ADD2: variants seen among roughly 807,000 people sequenced by gnomAD.
The protein encoded by ADD2 is adducin 2.
Under a neutral mutation model 83.0 loss-of-function variants are expected in ADD2, and 23 were observed. The observed-to-expected ratio is 0.28, with a 90% CI of 0.20 to 0.39. ADD2 has a LOEUF of 0.39. Ranked by LOEUF, ADD2 falls within the 10% of genes least tolerant of loss-of-function variation. ADD2 has a pLI of 1.00. For synonymous variants in ADD2, 375 were observed against 375.4 expected, an observed-to-expected ratio of 1.00 and a Z score of 0.01; for missense variants, 758 against 944.9, an observed-to-expected ratio of 0.80 and a Z score of 2.59.
Position 70,706,209 on chromosome 2 carries a change from G to A in ADD2, c.183+17C>T, listed in dbSNP as rs1325322991. 1 of 1,608,642 alleles carries A rather than the reference G, an allele frequency of 6.2e-7. No individual in the cohort carries two copies. Among genetic ancestry groups the A allele is most frequent in the Non-Finnish European group, 8.5e-7 (1 of 1,176,798 alleles). Reference sequence around the variant, plus strand: ...GCGCCCCCTGCGCCCTCTCCCGCCCGGGTCAGCCCCACTCACGGGACTCTG... The same window carrying A: ...GCGCCCCCTGCGCCCTCTCCCGCCCAGGTCAGCCCCACTCACGGGACTCTG... On this transcript the variant is annotated intron_variant, in intron 3 of 15. Coordinates refer to ENST00000264436, the MANE Select transcript of ADD2 (RefSeq NM_001617.4). The surrounding 1 kb of genome is among the most constrained non-coding windows in gnomAD (Gnocchi z 5.0).
intron 1 of ADD2, among the ~76,000 whole-genome samples, chr2:70,717,470 AACAG>A (rs1204907606): frequency 7.2e-5 from 11 of 152,138 alleles, no homozygotes; most frequent in Non-Finnish European, 5.9e-5. Flanking sequence ...TCCAGACAGG[AACAG>A]ACAGTCTGTG....
At chr2:70,699,671 T>C (rs1355970426) in intron 4 of ADD2, among the ~76,000 whole-genome samples, 1 of 152,116 alleles carries the variant, frequency 6.6e-6, no homozygotes, top group Non-Finnish European at 1.5e-5. Flanking sequence ...TCCCAGCTAC[T>C]TGGGAGGCTG....
At chr2:70,677,221 TGGGGAGA>T (rs1189551027) in intron 12 of ADD2, among the ~76,000 whole-genome samples, 14 of 150,826 alleles carry the variant, frequency 9.3e-5, no homozygotes, top group South Asian at 2.1e-4. Flanking sequence ...TCTGAATATC[TGGGGAGA>T]GGGGAGAGGG....
At chr2:70,689,206 T>C (rs1387488801) in intron 8 of ADD2, among the ~76,000 whole-genome samples, 1 of 152,256 alleles carries the variant, frequency 6.6e-6, no homozygotes, top group African/African-American at 2.4e-5. Context: ...CAGGGAAAGC[T>C]GAGTAAAAGT....
At chr2:70,707,629 C>G (rs1194928231) in intron 2 of ADD2, among the ~76,000 whole-genome samples, 1 of 152,266 alleles carries the variant, frequency 6.6e-6, no homozygotes, top group Non-Finnish European at 1.5e-5. Flanking sequence ...CCCTTCAACA[C>G]CCAGGGTGGC....
At chr2:70,736,939 G>C (rs1207942932) in intron 1 of ADD2, among the ~76,000 whole-genome samples, 2 of 152,168 alleles carry the variant, frequency 1.3e-5, no homozygotes, top group South Asian at 2.1e-4. Flanking sequence ...CTTCTCAAAA[G>C]AAGACATTTA....
At chr2:70,704,653 T>A (rs1468923583) in intron 3 of ADD2, among the ~76,000 whole-genome samples, 194 bp from the exon 4 acceptor site, 1 of 152,138 alleles carries the variant, frequency 6.6e-6, no homozygotes, top group African/African-American at 2.4e-5. Context: ...AACAAAGAAA[T>A]GCTGGGAATG....
At chr2:70,673,427 C>T in intron 14 of ADD2, 2 of 910,024 alleles carry the variant, frequency 2.2e-6, no homozygotes, top group Non-Finnish European at 3.5e-6. Context: ...TTATTTTTTG[C>T]TGACTCCCCT....
intron 15 of ADD2, among the ~76,000 whole-genome samples, chr2:70,663,945 C>A (rs1201659188): frequency 1.1e-4 from 16 of 152,070 alleles, no homozygotes; most frequent in Non-Finnish European, 1.9e-4. Context: ...GGGAACACCC[C>A]CTTGCAGGCT....
At position 70,705,586 on chromosome 2, in the gene ADD2, C is replaced by A. The variant is rs535947478; in HGVS notation, c.183+640G>T. Among the ~76,000 whole-genome samples the A allele has an allele frequency of 5.3e-5, 8 of 152,312 alleles. No individual in the cohort carries two copies. The East Asian group carries it at 7.7e-4, about 15-fold the overall frequency. Reference sequence around the variant, plus strand: ...GCCTTCAGTGGTCCACAGGGCCCACCCTTCGGCCTTCTCAAGGCACTACCT... The same window carrying A: ...GCCTTCAGTGGTCCACAGGGCCCACACTTCGGCCTTCTCAAGGCACTACCT... On this transcript the variant is annotated intron_variant, in intron 3 of 15. Transcript: ENST00000264436.
chr2:70,736,054 C>G (rs888884633), intron 1 of ADD2, among the ~76,000 whole-genome samples: 3 of 151,936 alleles, frequency 2.0e-5, no homozygotes, highest in Non-Finnish European at 4.4e-5. Flanking sequence ...TCATGCCATT[C>G]CCCCATCAGG....
intron 1 of ADD2, among the ~76,000 whole-genome samples, chr2:70,762,253 A>G (rs901015783): frequency 1.3e-5 from 2 of 151,930 alleles, no homozygotes; most frequent in East Asian, 3.8e-4. Context: ...CTTAAGAAGA[A>G]AGAGAATGAG....
At chr2:70,724,036 A>G (rs1332397702) in intron 1 of ADD2, among the ~76,000 whole-genome samples, 1 of 152,264 alleles carries the variant, frequency 6.6e-6, no homozygotes, top group Non-Finnish European at 1.5e-5. Flanking sequence ...AAAAGTGCCC[A>G]GTGATGAGGC....
intron 4 of ADD2, among the ~76,000 whole-genome samples, chr2:70,702,901 T>A (rs1574263678): frequency 6.6e-6 from 1 of 151,814 alleles, no homozygotes; most frequent in Non-Finnish European, 1.5e-5. Context: ...CCGGGGTGGG[T>A]GGATCACTTG....
At chr2:70,731,947 C>G (rs1260168919) in intron 1 of ADD2, among the ~76,000 whole-genome samples, 1 of 152,230 alleles carries the variant, frequency 6.6e-6, no homozygotes, top group Non-Finnish European at 1.5e-5. Context: ...CAGAAGACAA[C>G]AAATGGAAAT....
rs114607938 is a variant in ADD2 at position 70,759,510 on chromosome 2, G to A, written c.-154+8376C>T. Among the ~76,000 whole-genome samples the A allele has an allele frequency of 3.8e-3, 578 of 152,246 alleles. 7 individuals carry two copies. Among genetic ancestry groups the A allele is most frequent in the African/African-American group, 0.013 (535 of 41,548 alleles). On this transcript the variant is annotated intron_variant, in intron 1 of 15. Coordinates refer to ENST00000264436, the MANE Select transcript of ADD2 (RefSeq NM_001617.4). ...TTGAAGGAGGGGGTACCTGGTGGGA[G>A]GTGTTTGGGTCATGGTGGTGGATCC...
intron 2 of ADD2, among the ~76,000 whole-genome samples, chr2:70,711,551 G>A (rs76998736): frequency 0.02 from 3,104 of 152,150 alleles, 45 homozygotes; most frequent in Non-Finnish European, 0.033. Flanking sequence ...AAAAAACTCT[G>A]GACAGCAAGG....
At chr2:70,665,815 TTTG>T (rs1675770504) in intron 15 of ADD2, among the ~76,000 whole-genome samples, 4 of 136,274 alleles carry the variant, frequency 2.9e-5, no homozygotes, top group African/African-American at 5.9e-5. Context: ...CACTTGTTTT[TTTG>T]TTTTTTTTTT....
rs1361327323 is a variant in ADD2, at chr2:70,712,469, A to T, written c.-35+597T>A. On this transcript the variant is annotated intron_variant, in intron 2 of 15. Coordinates refer to ENST00000264436, the MANE Select transcript of ADD2 (RefSeq NM_001617.4). ...AAAAAAAATAAATAAATAAAAAAAAAAAAAAAGAAACTGAATCACAAAGAG... is the reference window on the plus strand; with the variant it reads ...AAAAAAAATAAATAAATAAAAAAAATAAAAAAGAAACTGAATCACAAAGAG... Among the ~76,000 whole-genome samples, 351 of 151,916 alleles carry T rather than the reference A, an allele frequency of 2.3e-3. 2 individuals are homozygous for T. Among genetic ancestry groups the T allele is most frequent in the African/African-American group, 7.9e-3 (326 of 41,430 alleles).
Sources: allele counts gnomAD v4.1 joint callset (sites outside exome capture counted in the v4.1 genomes callset), GRCh38; gene constraint gnomAD v4.1.1; non-coding constraint Gnocchi (gnomAD v3.1); transcripts MANE v1.5; gene names NCBI Gene and HGNC (gene_info 2026-07-23, HGNC 2026-07-21).